The following EDA variants were observed in gnomAD, a reference collection of about 807,000 sequenced individuals.
EDA encodes the protein ectodysplasin-A.
EDA carries 2 observed loss-of-function variants against 23.6 expected under a neutral mutation model. The ratio of observed to expected loss-of-function variants is 0.08; its 90% CI spans 0.03 to 0.27. The LOEUF is 0.27. Among genes scored for constraint, EDA ranks in the 10% least tolerant of loss-of-function variants. The pLI is 1.00. For synonymous variants in EDA, 131 were observed against 132.0 expected, an observed-to-expected ratio of 0.99 and a Z score of 0.05; for missense variants, 229 against 324.2, an observed-to-expected ratio of 0.71 and a Z score of 2.26.
chrX:69,826,864 T>C (rs1356999135), intron 1 of EDA, among the ~76,000 whole-genome samples: 1 of 112,409 alleles, frequency 8.9e-6, no homozygotes, highest in Non-Finnish European at 1.9e-5. Flanking sequence ...TGTTTAGCAC[T>C]TCCTTCAGTA....
At chrX:69,667,403 G>A (rs1021045821) in intron 1 of EDA, among the ~76,000 whole-genome samples, 2 of 110,520 alleles carry the variant, frequency 1.8e-5, no homozygotes, top group African/African-American at 3.3e-5. Context: ...GTGAGCCACC[G>A]TGCCTGGCCG....
intron 2 of EDA, among the ~76,000 whole-genome samples, chrX:70,014,755 A>T (rs1442082389): frequency 8.9e-6 from 1 of 112,479 alleles, no homozygotes; most frequent in Non-Finnish European, 1.9e-5. Context: ...ACACTATAAA[A>T]ATCTCATAAT....
intron 1 of EDA, among the ~76,000 whole-genome samples, chrX:69,686,105 T>A (rs1325483235): frequency 2.7e-5 from 3 of 111,651 alleles, no homozygotes; most frequent in Non-Finnish European, 3.8e-5. Flanking sequence ...GCCTCCCAGG[T>A]TCAAGCGATT....
intron 1 of EDA, among the ~76,000 whole-genome samples, chrX:69,789,312 C>T (rs1317553422): frequency 1.8e-5 from 2 of 112,249 alleles, no homozygotes; most frequent in South Asian, 3.7e-4. Flanking sequence ...CATCTTGGCT[C>T]CTCCCCAGAA....
At chrX:70,003,938 C>G (rs1569398470) in intron 2 of EDA, among the ~76,000 whole-genome samples, 1 of 111,838 alleles carries the variant, frequency 8.9e-6, no homozygotes, top group Non-Finnish European at 1.9e-5. Flanking sequence ...TGCATGATCT[C>G]CCATTCATCT....
chrX:69,811,091 A>G (rs754572973), intron 1 of EDA, among the ~76,000 whole-genome samples: 1 of 111,826 alleles, frequency 8.9e-6, no homozygotes, highest in Admixed American at 9.5e-5. Flanking sequence ...GTAGACTTCA[A>G]CATGCCACAT....
chrX:69,962,517 C>T (rs755485260), intron 2 of EDA, among the ~76,000 whole-genome samples: 7 of 111,742 alleles, frequency 6.3e-5, no homozygotes, highest in African/African-American at 1.3e-4. Flanking sequence ...CTGCAATCTC[C>T]GCCTCCTGGG....
At chrX:69,696,339 G>A (rs1260405695) in intron 1 of EDA, among the ~76,000 whole-genome samples, 1 of 111,537 alleles carries the variant, frequency 9.0e-6, no homozygotes, top group Non-Finnish European at 1.9e-5. Flanking sequence ...TGGTAGTAAG[G>A]CTCAATTTTT....
At chrX:69,670,353 G>A (rs1488712209) in intron 1 of EDA, 7 of 353,487 alleles carry the variant, frequency 2.0e-5, no homozygotes, top group Non-Finnish European at 2.9e-5. Context: ...ACTTTTGACA[G>A]TTTGATGATA....
At chrX:69,891,731 G>C (rs771130529) in intron 1 of EDA, among the ~76,000 whole-genome samples, 7 of 97,291 alleles carry the variant, frequency 7.2e-5, no homozygotes, top group South Asian at 1.2e-3. Flanking sequence ...ATGGACACAT[G>C]GGGGGAAGAA....
At chrX:69,778,237 C>A (rs1433197965) in intron 1 of EDA, among the ~76,000 whole-genome samples, 1 of 111,523 alleles carries the variant, frequency 9.0e-6, no homozygotes, top group African/African-American at 3.3e-5. Flanking sequence ...GAGACCCCTA[C>A]AAATAGTTGA....
At chrX:69,686,758 T>C (rs1934556519) in intron 1 of EDA, among the ~76,000 whole-genome samples, 1 of 111,975 alleles carries the variant, frequency 8.9e-6, no homozygotes, top group South Asian at 3.7e-4. Flanking sequence ...ATGAATCCTG[T>C]ATTTCATTCT....
intron 1 of EDA, among the ~76,000 whole-genome samples, chrX:69,832,292 G>A (rs1452789615): frequency 9.0e-6 from 1 of 111,581 alleles, no homozygotes; most frequent in East Asian, 2.8e-4. Context: ...TATTAAATAG[G>A]GAATCCTTTC....
At chrX:69,858,455 A>C (rs1886175728) in intron 1 of EDA, among the ~76,000 whole-genome samples, 1 of 111,661 alleles carries the variant, frequency 9.0e-6, no homozygotes, top group African/African-American at 3.3e-5. Context: ...GTTGAATTTT[A>C]TTGAAAACCT....
chrX:70,004,585 T>C (rs2019778164), intron 2 of EDA, among the ~76,000 whole-genome samples: 1 of 112,279 alleles, frequency 8.9e-6, no homozygotes, highest in African/African-American at 3.2e-5. Flanking sequence ...ATTCTAATAG[T>C]GTGAGATAGA....
chrX:69,854,125 A>G (rs951922771), intron 1 of EDA, among the ~76,000 whole-genome samples: 3 of 110,759 alleles, frequency 2.7e-5, no homozygotes, highest in Non-Finnish European at 3.8e-5. Flanking sequence ...CTCAACAGTT[A>G]TTTTTCCTAA....
At chrX:69,719,715 TACACACACACAC>T (rs35200750) in intron 1 of EDA, among the ~76,000 whole-genome samples, 3 of 102,666 alleles carry the variant, frequency 2.9e-5, no homozygotes, top group East Asian at 3.0e-4. Flanking sequence ...TATTCCGTTA[TACACACACACAC>T]ACACACACAC....
At chrX:69,979,089 C>T (rs1031133228) in intron 2 of EDA, among the ~76,000 whole-genome samples, 4 of 111,629 alleles carry the variant, frequency 3.6e-5, no homozygotes, top group Non-Finnish European at 7.5e-5. Context: ...CCCCTGGTCA[C>T]CTCTATTGTA....
chrX:69,616,674 A>C lies in EDA; in HGVS notation c.366A>C (p.Ala122=), dbSNP rs1931965002. The C allele has an allele frequency of 1.7e-6, 2 of 1,209,468 alleles. No homozygotes were observed. Among genetic ancestry groups the C allele is most frequent in the Non-Finnish European group, 2.2e-6 (2 of 894,787 alleles). Residue 122 remains alanine, a synonymous_variant, in exon 1 of 8, where the codon GCA becomes GCC. Transcript: ENST00000374552. The stretch of plus-strand genomic sequence containing the variant: ...AGCCATTGGAACCGGGAGAAGCCGC[A>C]CTCCACTCTGACTCCCAGGACGGGC... The part of the protein sequence containing the change: ...KQQPLEPGEA[A]LHSDSQDGHQ...
Sources: allele counts gnomAD v4.1 joint callset (sites outside exome capture counted in the v4.1 genomes callset), GRCh38; gene constraint gnomAD v4.1.1; transcripts MANE v1.5; gene names NCBI Gene and HGNC (gene_info 2026-07-23, HGNC 2026-07-21).